The following SKAP1 variants were observed in gnomAD, a reference collection of about 807,000 sequenced individuals.
SKAP1 encodes src kinase-associated phosphoprotein 1.
A neutral mutation model predicts 58.5 loss-of-function variants in SKAP1; 44 were observed. The ratio of observed to expected loss-of-function variants is 0.75; its 90% CI spans 0.59 to 0.97. SKAP1 has a LOEUF of 0.97. SKAP1 is among the 50% of genes least tolerant of loss of function. SKAP1 has a pLI of 0.00. For synonymous variants in SKAP1, 127 were observed against 149.7 expected (o/e 0.85, Z 1.11); for missense variants, 390 against 435.2 (o/e 0.90, Z 0.92).
At chr17:48,436,759 C>T in the SKAP1 span, among the ~76,000 whole-genome samples, 1 of 152,140 alleles carries the variant, frequency 6.6e-6, no homozygotes, top group African/African-American at 2.4e-5. Context: ...CCTTTCTCCT[C>T]CGTCTCTTAA....
intron 11 of SKAP1, 64 bp from the exon 12 acceptor site, chr17:48,137,401 G>A: frequency 2.8e-6 from 3 of 1,089,004 alleles, no homozygotes; most frequent in Non-Finnish European, 4.3e-6. Flanking sequence ...ATTTATTCTA[G>A]TGATTGCATG....
chr17:48,145,419 GA>G (rs5820687), intron 11 of SKAP1, among the ~76,000 whole-genome samples: 1 of 146,950 alleles, frequency 6.8e-6, no homozygotes, highest in Non-Finnish European at 1.5e-5. Context: ...CATCAACAAG[GA>G]AAAAAAAAAA....
chr17:48,248,779 C>A (rs1257569359), intron 4 of SKAP1: 1 of 151,982 alleles, frequency 6.6e-6, no homozygotes, highest in African/African-American at 2.4e-5. Context: ...AGGAAGGGCT[C>A]CCTGGGAGTG....
chr17:48,196,258 C>T (rs1018498786), intron 4 of SKAP1, among the ~76,000 whole-genome samples: 1 of 152,188 alleles, frequency 6.6e-6, no homozygotes, highest in African/African-American at 2.4e-5. Context: ...CTCACTCCCC[C>T]ACAAAAAGAG....
At chr17:48,170,116 G>A (rs913134344) in intron 10 of SKAP1, among the ~76,000 whole-genome samples, 2 of 152,156 alleles carry the variant, frequency 1.3e-5, no homozygotes, top group African/African-American at 2.4e-5. Context: ...TTCCAAATGT[G>A]CCTGGAATCA....
intron 11 of SKAP1, among the ~76,000 whole-genome samples, chr17:48,154,761 G>A (rs1321194258): frequency 2.0e-5 from 3 of 152,034 alleles, no homozygotes; most frequent in South Asian, 4.1e-4. Flanking sequence ...AAAAATGGGC[G>A]TTTAAGTCTT....
chr17:48,170,771 A>C, intron 9 of SKAP1, 112 bp from the exon 10 acceptor site: 5 of 911,630 alleles, frequency 5.5e-6, no homozygotes, highest in Non-Finnish European at 8.5e-6. Context: ...GTGCAGTGGA[A>C]CGATTTTCGG....
chr17:48,412,533 GC>G (rs976522294), intron 1 of SKAP1, among the ~76,000 whole-genome samples: 3 of 152,148 alleles, frequency 2.0e-5, no homozygotes, highest in Admixed American at 1.3e-4. Context: ...AGGAAAGGAA[GC>G]CCCCTGGTCA....
At chr17:48,323,584 T>C (rs188732144) in intron 4 of SKAP1, among the ~76,000 whole-genome samples, 98 of 152,250 alleles carry the variant, frequency 6.4e-4, no homozygotes, top group African/African-American at 2.3e-3. Flanking sequence ...AACAAGTATT[T>C]ACTAGTAATA....
At chr17:48,352,396 T>C (rs1401580919) in intron 3 of SKAP1, among the ~76,000 whole-genome samples, 1 of 152,154 alleles carries the variant, frequency 6.6e-6, no homozygotes, top group Non-Finnish European at 1.5e-5. Context: ...GATTTTGACA[T>C]AATTCAAAAT....
intron 4 of SKAP1, among the ~76,000 whole-genome samples, chr17:48,281,999 A>G (rs900637188): frequency 6.6e-6 from 1 of 152,232 alleles, no homozygotes; most frequent in Non-Finnish European, 1.5e-5. Flanking sequence ...AGTTAAAAAA[A>G]TCACACAAGC....
rs147967099 is a variant in SKAP1, at chr17:48,143,678, C to T, written c.979-6341G>A. On this transcript the variant is annotated intron_variant, in intron 11 of 12. Transcript: ENST00000336915. ...CTCGTAAAAACTAGCTTTAGCTCTT[C>T]TGCTATCTCACAGGCAGAGAGTGGG... 4.6e-5 allele frequency among the ~76,000 whole-genome samples: 7 copies of T among 152,334 alleles called. No homozygotes were observed. In the East Asian group the frequency reaches 1.3e-3, roughly 29 times the overall value.
intron 2 of SKAP1, among the ~76,000 whole-genome samples, chr17:48,366,612 T>C (rs909393496): frequency 6.6e-6 from 1 of 152,094 alleles, no homozygotes; most frequent in African/African-American, 2.4e-5. Context: ...TGGGTCAATC[T>C]CCACCTAGCA....
chr17:48,287,134 T>A (rs1223064135), intron 4 of SKAP1, among the ~76,000 whole-genome samples: 16 of 146,474 alleles, frequency 1.1e-4, no homozygotes, highest in Admixed American at 5.5e-4. Flanking sequence ...AATAAATAAA[T>A]AAAATAAAAA....
chr17:48,310,687 C>A (rs114710979), intron 4 of SKAP1, among the ~76,000 whole-genome samples: 3,362 of 150,890 alleles, frequency 0.022, 114 homozygotes, highest in African/African-American at 0.076. Flanking sequence ...TCCTCCAAAT[C>A]GGAAAATAAT....
chr17:48,349,712 T>A (rs1197725902), intron 3 of SKAP1, among the ~76,000 whole-genome samples: 2 of 152,320 alleles, frequency 1.3e-5, no homozygotes, highest in East Asian at 3.9e-4. Context: ...GGATGATTTC[T>A]CTATTCTTTT....
intron 3 of SKAP1, among the ~76,000 whole-genome samples, chr17:48,353,938 G>GGAATAA (rs144881825): frequency 1.4e-5 from 2 of 144,734 alleles, no homozygotes; most frequent in Admixed American, 1.4e-4. Context: ...AAGAAGAAGA[G>GGAATAA]GAAGAAGAAG....
rs1473646708 is a variant in SKAP1 at position 48,252,744 on chromosome 17, GTGTGTGTGTGTA to G, written c.281-63256_281-63245del. On this transcript the variant is annotated intron_variant, in intron 4 of 12. Coordinates refer to ENST00000336915, the MANE Select transcript of SKAP1 (RefSeq NM_003726.4). The stretch of plus-strand genomic sequence containing the variant: ...TGTGTGTGTGTGTGTGTGTGTGTGT[GTGTGTGTGTGTA>G]TGTGCTCATGTGTGTACAGATCCAG... Among the ~76,000 whole-genome samples the G allele has an allele frequency of 1.1e-3, 159 of 150,374 alleles. 2 individuals carry two copies. The highest frequency in any genetic ancestry group is 2.2e-3 in the African/African-American group (92 of 41,010).
At chr17:48,133,895 T>C (rs1484044384) in intron 12 of SKAP1, 79 bp from the exon 13 acceptor site, 1 of 152,156 alleles carries the variant, frequency 6.6e-6, no homozygotes, top group Non-Finnish European at 1.5e-5. Context: ...TATAATGTTT[T>C]CCCCCTTACC....
Sources: allele counts gnomAD v4.1 joint callset (sites outside exome capture counted in the v4.1 genomes callset), GRCh38; gene constraint gnomAD v4.1.1; transcripts MANE v1.5; gene names NCBI Gene and HGNC (gene_info 2026-07-23, HGNC 2026-07-21).